VPS13B: variants seen among roughly 807,000 people sequenced by gnomAD.
The protein encoded by VPS13B is intermembrane lipid transfer protein VPS13B.
Under a neutral mutation model 426.4 loss-of-function variants are expected in VPS13B, and 285 were observed. The observed-to-expected ratio is 0.67, with a 90% CI of 0.61 to 0.74. VPS13B has a LOEUF of 0.74. VPS13B is among the 30% of genes least tolerant of loss of function. The pLI is 0.00. For missense variants in VPS13B, 4,537 were observed against 4,782.6 expected, an observed-to-expected ratio of 0.95 and a Z score of 1.51; for synonymous variants, 1,676 against 1,676.4, an observed-to-expected ratio of 1.00 and a Z score of 0.01.
chr8:99,787,006 C>CT (rs1812307485), intron 43 of VPS13B, among the ~76,000 whole-genome samples: 1 of 152,138 alleles, frequency 6.6e-6, no homozygotes, highest in African/African-American at 2.4e-5. Flanking sequence ...GCAAAATATT[C>CT]CTTTTTCCAG....
At chr8:99,666,564 A>ATT in intron 35 of VPS13B, among the ~76,000 whole-genome samples, 1 of 152,316 alleles carries the variant, frequency 6.6e-6, no homozygotes, top group South Asian at 2.1e-4. Context: ...AAACCACATG[A>ATT]TTATCTCAAT....
At chr8:99,791,472 G>C (rs1294326625) in intron 43 of VPS13B, among the ~76,000 whole-genome samples, 4 of 152,102 alleles carry the variant, frequency 2.6e-5, no homozygotes. Flanking sequence ...CTTGGCTACT[G>C]AATGAGTTTA....
rs150805563 is a variant in VPS13B at position 99,196,208 on chromosome 8, T to C, written c.2515+3151T>C. 3.2e-3 allele frequency among the ~76,000 whole-genome samples: 486 copies of C among 152,052 alleles called. 2 individuals carry two copies. Among genetic ancestry groups the C allele is most frequent in the African/African-American group, 0.011 (466 of 41,504 alleles). ...AGAACATCTTTCCATTTATTTGTGT[T>C]TTTTTTTAGTTTCTTTTATCAGTGT... On this transcript the variant is annotated intron_variant, in intron 17 of 61. Coordinates refer to ENST00000357162, the MANE Select transcript of VPS13B (RefSeq NM_152564.5).
intron 17 of VPS13B, among the ~76,000 whole-genome samples, chr8:99,214,185 A>G (rs1002513481): frequency 2.0e-5 from 3 of 152,192 alleles, no homozygotes; most frequent in Admixed American, 6.5e-5. Flanking sequence ...CTTTGCTTTT[A>G]TAAATAAAAT....
rs1441851824 is a variant in VPS13B, at chr8:99,609,573, A to G, written c.5220+31940A>G. On this transcript the variant is annotated intron_variant, in intron 33 of 61. Transcript: ENST00000357162. ...AACAAAAATGCTTTTCCATAAAGAA[A>G]TCAGTTAGTACAGCTTGCAGTTTAG... 3.3e-5 allele frequency among the ~76,000 whole-genome samples: 5 copies of G among 152,176 alleles called. No homozygotes were observed. The East Asian group carries it at 7.7e-4, about 23-fold the overall frequency.
chr8:99,821,605 C>T (rs1050021088), intron 50 of VPS13B, 123 bp downstream of exon 50: 2 of 1,180,926 alleles, frequency 1.7e-6, no homozygotes, highest in East Asian at 5.0e-5. Flanking sequence ...CAATTTATAA[C>T]AGTACATTTG....
chr8:99,720,612 C>A, intron 38 of VPS13B, 60 bp downstream of exon 38: 1 of 1,534,996 alleles, frequency 6.5e-7, no homozygotes, highest in Non-Finnish European at 9.0e-7. Flanking sequence ...ATTTTAAATG[C>A]ATGTTGACTA....
At chr8:99,384,172 G>A (rs1259461377) in intron 19 of VPS13B, 36 bp from the exon 20 acceptor site, 2 of 1,527,902 alleles carry the variant, frequency 1.3e-6, no homozygotes, top group Admixed American at 3.3e-5. Flanking sequence ...TTTTTTATGA[G>A]GACTTATGTA....
chr8:99,642,987 TG>T (rs1358953854), intron 34 of VPS13B, among the ~76,000 whole-genome samples: 1 of 152,222 alleles, frequency 6.6e-6, no homozygotes, highest in African/African-American at 2.4e-5. Flanking sequence ...TAAAGATTTT[TG>T]TACATCTACA....
At position 99,778,737 on chromosome 8, in the gene VPS13B, A is replaced by G. The variant is rs746175640; in HGVS notation, c.7485A>G (p.Leu2495=). Residue 2495 remains leucine (L), a synonymous_variant, in exon 42 of 62, where the codon CTA becomes CTG. Coordinates refer to ENST00000357162, the MANE Select transcript of VPS13B (RefSeq NM_152564.5). ...CCGACAGAAATATGCCATCTGAACT[A>G]GAATACATGATTGTTTCCTTCAGAG... ...FVSDRNMPSE[L]EYMIVSFREP... 1.9e-6 allele frequency: 3 copies of G among 1,613,988 alleles called. No homozygotes were observed. Among genetic ancestry groups the G allele is most frequent in the Middle Eastern group, 1.6e-4 (1 of 6,062 alleles).
chr8:99,724,245 C>G (rs1407916585), intron 39 of VPS13B, among the ~76,000 whole-genome samples: 2 of 152,182 alleles, frequency 1.3e-5, no homozygotes, highest in Non-Finnish European at 2.9e-5. Context: ...AGATAAGACA[C>G]AATCAACTCA....
At chr8:99,849,855 T>G (rs773739702) in intron 55 of VPS13B, among the ~76,000 whole-genome samples, 25 of 152,130 alleles carry the variant, frequency 1.6e-4, no homozygotes, top group Non-Finnish European at 3.1e-4. Flanking sequence ...TAATCTAAAA[T>G]AAAACAAGTA....
At chr8:99,125,987 C>CTAA (rs2132530977) in intron 8 of VPS13B, among the ~76,000 whole-genome samples, 1 of 150,726 alleles carries the variant, frequency 6.6e-6, no homozygotes, top group South Asian at 2.1e-4. Context: ...TATGAGTGAT[C>CTAA]TAATAGAGAG....
At chr8:99,135,541 G>C in intron 10 of VPS13B, 55 bp from the exon 11 acceptor site, 2 of 1,588,286 alleles carry the variant, frequency 1.3e-6, no homozygotes, top group East Asian at 2.3e-5. Flanking sequence ...GTTTTATTTT[G>C]TTTAACAGGC....
At chr8:99,181,720 TC>T (rs1812956533) in intron 16 of VPS13B, among the ~76,000 whole-genome samples, 1 of 152,184 alleles carries the variant, frequency 6.6e-6, no homozygotes, top group Non-Finnish European at 1.5e-5. Flanking sequence ...GGGTCACCTT[TC>T]TCTCAAAGAT....
chr8:99,041,151 A>C (rs1842946245), intron 3 of VPS13B, among the ~76,000 whole-genome samples: 1 of 152,180 alleles, frequency 6.6e-6, no homozygotes, highest in Non-Finnish European at 1.5e-5. Context: ...TGTTAGGTAA[A>C]ATAAAGTCCA....
chr8:99,283,609 A>T (rs1819277417), intron 19 of VPS13B, among the ~76,000 whole-genome samples: 1 of 152,152 alleles, frequency 6.6e-6, no homozygotes, highest in Admixed American at 6.6e-5. Flanking sequence ...GGGAGTTTTG[A>T]TGGTAGATGC....
At chr8:99,268,960 G>GT (rs926461880) in intron 17 of VPS13B, among the ~76,000 whole-genome samples, 1 of 152,238 alleles carries the variant, frequency 6.6e-6, no homozygotes, top group Admixed American at 6.5e-5. Context: ...TAGTGAGTGA[G>GT]TTCTTAGGAG....
intron 39 of VPS13B, among the ~76,000 whole-genome samples, chr8:99,750,784 G>A (rs2130537351): frequency 6.6e-6 from 1 of 152,226 alleles, no homozygotes; most frequent in East Asian, 1.9e-4. Flanking sequence ...CCATACATGG[G>A]GTGTTTTGGG....
Sources: allele counts gnomAD v4.1 joint callset (sites outside exome capture counted in the v4.1 genomes callset), GRCh38; gene constraint gnomAD v4.1.1; transcripts MANE v1.5; gene names NCBI Gene and HGNC (gene_info 2026-07-23, HGNC 2026-07-21).